Variants in ZHX1 observed in about 807,000 individuals in gnomAD.
ZHX1 encodes zinc fingers and homeoboxes 1.
A neutral mutation model predicts 61.8 loss-of-function variants in ZHX1; 20 were observed. That is an observed-to-expected ratio of 0.32 (90% CI 0.23 to 0.47). The LOEUF (loss-of-function observed/expected upper bound fraction) is 0.47. Ranked by LOEUF, ZHX1 falls within the 20% of genes least tolerant of loss-of-function variation. The pLI is 1.00. For synonymous variants in ZHX1, 318 were observed against 352.6 expected (o/e 0.90, Z 1.10); for missense variants, 800 against 1,034.8 (o/e 0.77, Z 3.11).
Position 123,254,850 on chromosome 8 carries a change from G to A in ZHX1, c.1097C>T (p.Thr366Ile), listed in dbSNP as rs748649570. Residue 366 changes from threonine to isoleucine, a missense_variant, in exon 3 of 4, where the codon ACC (threonine) becomes ATC (isoleucine). Thr to Ile is a moderately conservative substitution (Grantham distance 89). Transcript: ENST00000395571. The surrounding 1 kb of genome is among the most constrained non-coding windows in gnomAD (Gnocchi z 4.1). Reference protein sequence around the residue: ...FNGTVHTVPQTITVIPTHIST... With the variant: ...FNGTVHTVPQIITVIPTHIST... ...AATGTGTGTAGGAATAACAGTTATGGTCTGAGGTACAGTATGCACTGTTCC... is the reference window on the plus strand; with the variant it reads ...AATGTGTGTAGGAATAACAGTTATGATCTGAGGTACAGTATGCACTGTTCC... 6.2e-7 allele frequency: 1 copy of A among 1,614,186 alleles called. No homozygotes were observed. The highest frequency in any genetic ancestry group is 8.5e-7 in the Non-Finnish European group (1 of 1,180,018).
At chr8:123,258,484 T>A (rs1392940083) in intron 2 of ZHX1, among the ~76,000 whole-genome samples, 1 of 152,092 alleles carries the variant, frequency 6.6e-6, no homozygotes, top group East Asian at 1.9e-4. Flanking sequence ...TAAAACAAAG[T>A]CCCCCAAACT....
At position 123,254,103 on chromosome 8, in the gene ZHX1, C is replaced by G. The variant is rs750472738; in HGVS notation, c.1844G>C (p.Trp615Ser). 22 of 1,614,082 alleles carry G rather than the reference C, an allele frequency of 1.4e-5. No homozygotes were observed. The highest frequency in any genetic ancestry group is 1.9e-5 in the Non-Finnish European group (22 of 1,180,018). The change falls in exon 3 of 4, where the codon TGG becomes TCG. Residue 615 changes from tryptophan (W) to serine (S), a missense_variant. Trp to Ser is a radical substitution (Grantham distance 177, BLOSUM62 -3). Coordinates refer to ENST00000395571, the MANE Select transcript of ZHX1 (RefSeq NM_007222.5). This position sits in a 1 kb window ranked among gnomAD's most constrained non-coding sequence, Gnocchi z 4.1. ...TTTTGATTTCTTCTTCTCTGTAAACCAAGCATCGATTTCTCTTCTGGTAAG... is the reference window on the plus strand; with the variant it reads ...TTTTGATTTCTTCTTCTCTGTAAACGAAGCATCGATTTCTCTTCTGGTAAG... ...TKLTRREIDA[W>S]FTEKKKSKAL... is the part of the protein sequence containing the mutation.
intron 1 of ZHX1, among the ~76,000 whole-genome samples, chr8:123,272,076 C>T (rs1174871282): frequency 6.6e-6 from 1 of 152,222 alleles, no homozygotes; most frequent in Non-Finnish European, 1.5e-5. Context: ...TAAAATGTTC[C>T]AAATGTAAAG....
At chr8:123,262,883 G>A (rs1267561243) in intron 2 of ZHX1, 1 of 151,402 alleles carries the variant, frequency 6.6e-6, no homozygotes, top group Non-Finnish European at 1.5e-5. Context: ...TTGGAACCAT[G>A]CGGAGAAGAT....
In ZHX1 at chr8:123,255,503, T is replaced by C. The variant is rs758009235; in HGVS notation, c.444A>G (p.Ile148Met). ...AACTACCATCAAAAGTCAGATCATT[T>C]ATTGTTTGTTCAAAGATTGTCTGGT... ...RNNQTIFEQTINDLTFDGSFV... is the reference protein window; with the variant it reads ...RNNQTIFEQTMNDLTFDGSFV... The change falls in exon 3 of 4, where the codon ATA becomes ATG. Residue 148 changes from isoleucine to methionine, a missense_variant. Transcript: ENST00000395571. The C allele has an allele frequency of 3.7e-6, 6 of 1,613,528 alleles. No homozygotes were observed. Among genetic ancestry groups the C allele is most frequent in the Non-Finnish European group, 3.4e-6 (4 of 1,180,034 alleles).
chr8:123,268,320 CA>C (rs1361265913), intron 1 of ZHX1, among the ~76,000 whole-genome samples: 1 of 152,152 alleles, frequency 6.6e-6, no homozygotes, highest in African/African-American at 2.4e-5. Context: ...GTATTAACAT[CA>C]TGCAATCAAA....
At chr8:123,258,108 T>C (rs182108472) in intron 2 of ZHX1, among the ~76,000 whole-genome samples, 250 of 152,340 alleles carry the variant, frequency 1.6e-3, no homozygotes, top group African/African-American at 5.7e-3. Flanking sequence ...CAGAGCCTAA[T>C]AGGAGGTGTC....
intron 2 of ZHX1, 132 bp downstream of exon 2, chr8:123,267,141 A>G (rs1028101728): frequency 1.8e-5 from 12 of 656,770 alleles, no homozygotes; most frequent in African/African-American, 3.6e-5. Context: ...TATTAAAAAA[A>G]AGTGTTAAGC....
chr8:123,250,915 C>A (rs1441195438), intron 3 of ZHX1, among the ~76,000 whole-genome samples: 1 of 152,198 alleles, frequency 6.6e-6, no homozygotes. Context: ...GTGTCCCCAT[C>A]CAAATCTTAC....
At chr8:123,273,698 A>C (rs1563817531) in intron 1 of ZHX1, 1 of 152,576 alleles carries the variant, frequency 6.6e-6, no homozygotes, top group Non-Finnish European at 1.5e-5. Context: ...TCTCAGGGAG[A>C]CTGGGTCCCC....
rs1236094709 is a variant in ZHX1, at chr8:123,255,563, T to C, written c.384A>G (p.Glu128=). The change falls in exon 3 of 4, where the codon GAA becomes GAG. Residue 128 remains glutamate (E), a synonymous_variant. Coordinates refer to ENST00000395571, the MANE Select transcript of ZHX1 (RefSeq NM_007222.5). ...TCACCATAGTCAACTTAAAATTCTC[T>C]TCTCCTGGGTGATATTTCAGATTAT... ...SEHNLKYHPG[E]ENFKLTMVKR... 6.2e-7 allele frequency: 1 copy of C among 1,612,912 alleles called. No homozygotes were observed. Among genetic ancestry groups the C allele is most frequent in the Non-Finnish European group, 8.5e-7 (1 of 1,179,748 alleles).
intron 3 of ZHX1, 185 bp downstream of exon 3, chr8:123,253,137 A>T (rs1326108242): frequency 3.1e-5 from 15 of 490,608 alleles, no homozygotes; most frequent in South Asian, 4.6e-5. Context: ...CTACATAATA[A>T]TAATAAAACT....
chr8:123,254,981 T>C lies in ZHX1; in HGVS notation c.966A>G (p.Lys322=), dbSNP rs1464658235. The change falls in exon 3 of 4, where the codon AAA becomes AAG. Residue 322 remains lysine (K), a synonymous_variant. Coordinates refer to ENST00000395571, the MANE Select transcript of ZHX1 (RefSeq NM_007222.5). The surrounding 1 kb of genome is among the most constrained non-coding windows in gnomAD (Gnocchi z 4.1). ...SEITVLSAQA[K]YTEEQIKIWF... is the part of the protein sequence containing the mutation. Reference sequence around the variant, plus strand: ...ATATCTTGATCTGTTCCTCTGTATATTTTGCTTGAGCAGAAAGAACTGTAA... The same window carrying C: ...ATATCTTGATCTGTTCCTCTGTATACTTTGCTTGAGCAGAAAGAACTGTAA... 1 of 1,614,110 alleles carries C rather than the reference T, an allele frequency of 6.2e-7. No homozygotes were observed. Among genetic ancestry groups the C allele is most frequent in the Non-Finnish European group, 8.5e-7 (1 of 1,180,036 alleles).
At chr8:123,268,483 A>G (rs1387179505) in intron 1 of ZHX1, among the ~76,000 whole-genome samples, 1 of 152,126 alleles carries the variant, frequency 6.6e-6, no homozygotes, top group East Asian at 1.9e-4. Context: ...GAAGGGTTAA[A>G]GCATTTTGGT....
intron 2 of ZHX1, among the ~76,000 whole-genome samples, chr8:123,258,139 C>A (rs1215141676): frequency 6.6e-6 from 1 of 152,202 alleles, no homozygotes; most frequent in Non-Finnish European, 1.5e-5. Flanking sequence ...GGTCAGATCC[C>A]TCATCAACAG....
rs137974689 is a variant in ZHX1, at chr8:123,260,669, T to A, written c.-225-4498A>T. ...AGAGATCTCAAGACAATATATCAGT[T>A]TCATCAAAAATCCTCCTCTCATTGA... On this transcript the variant is annotated intron_variant, in intron 2 of 3. Transcript: ENST00000395571. Among the ~76,000 whole-genome samples the A allele has an allele frequency of 1.4e-4, 22 of 152,122 alleles. No homozygotes were observed. In the East Asian group the frequency reaches 4.3e-3, roughly 29 times the overall value.
rs142254482 is a variant in ZHX1, at chr8:123,273,027, T to A, written c.-340+1190A>T. Among the ~76,000 whole-genome samples, 17 of 152,242 alleles carry A rather than the reference T, an allele frequency of 1.1e-4. No homozygotes were observed. In the East Asian group the frequency reaches 3.3e-3, roughly 29 times the overall value. On this transcript the variant is annotated intron_variant, in intron 1 of 3. Coordinates refer to ENST00000395571, the MANE Select transcript of ZHX1 (RefSeq NM_007222.5). ...AGTTGACAGAAAAGGGCTGTGGAAT[T>A]CCTGCTCTGTCCGATATCTTCCCTG...
At chr8:123,260,522 C>T (rs971878549) in intron 2 of ZHX1, among the ~76,000 whole-genome samples, 2 of 150,158 alleles carry the variant, frequency 1.3e-5, no homozygotes, top group Admixed American at 6.7e-5. Context: ...CACTTGAACT[C>T]GGGAGGTGGA....
At chr8:123,267,458 C>G (rs906033095) in intron 1 of ZHX1, 72 bp from the exon 2 acceptor site, 1 of 430,054 alleles carries the variant, frequency 2.3e-6, no homozygotes, top group Non-Finnish European at 4.0e-6. Flanking sequence ...CAATTTAATG[C>G]CTTAGCTTTT....
Sources: allele counts gnomAD v4.1 joint callset (sites outside exome capture counted in the v4.1 genomes callset), GRCh38; gene constraint gnomAD v4.1.1; non-coding constraint Gnocchi (gnomAD v3.1); transcripts MANE v1.5; gene names NCBI Gene and HGNC (gene_info 2026-07-23, HGNC 2026-07-21).